MYOM1: variants seen among roughly 807,000 people sequenced by gnomAD.
MYOM1 encodes the protein myomesin 1.
A neutral mutation model predicts 205.3 loss-of-function variants in MYOM1; 164 were observed. The observed-to-expected ratio is 0.80, with a 90% CI of 0.70 to 0.91. MYOM1 has a LOEUF of 0.91. Among genes scored for constraint, MYOM1 ranks in the 40% least tolerant of loss-of-function variants. The probability of loss-of-function intolerance (pLI) is 0.00; values close to 1 mark genes in which losing one functional copy is unlikely to be tolerated. For missense variants in MYOM1, 2,011 were observed against 2,127.3 expected, an observed-to-expected ratio of 0.95 and a Z score of 1.08; for synonymous variants, 772 against 789.4, an observed-to-expected ratio of 0.98 and a Z score of 0.37.
At chr18:3,214,594 C>T (rs565563755) in intron 2 of MYOM1, among the ~76,000 whole-genome samples, 5 of 152,084 alleles carry the variant, frequency 3.3e-5, no homozygotes, top group Non-Finnish European at 7.4e-5. Flanking sequence ...GAGGCCCAGG[C>T]GGGTGGAACA....
At chr18:3,170,548 TCTAA>T (rs1399937686) in intron 8 of MYOM1, among the ~76,000 whole-genome samples, 1 of 152,200 alleles carries the variant, frequency 6.6e-6, no homozygotes, top group Non-Finnish European at 1.5e-5. Flanking sequence ...TTTAAAATAT[TCTAA>T]CTTTTAAAAA....
chr18:3,130,884 A>G (rs945655050), intron 17 of MYOM1, among the ~76,000 whole-genome samples: 1 of 152,238 alleles, frequency 6.6e-6, no homozygotes, highest in Non-Finnish European at 1.5e-5. Flanking sequence ...TTACTTTGCA[A>G]GCAAAGATGA....
chr18:3,184,995 T>A (rs2080790690), intron 5 of MYOM1, among the ~76,000 whole-genome samples: 1 of 152,260 alleles, frequency 6.6e-6, no homozygotes, highest in Non-Finnish European at 1.5e-5. Flanking sequence ...CTTAGCTCTG[T>A]TAGTGAGGAT....
At chr18:3,231,828 C>T in the MYOM1 span, among the ~76,000 whole-genome samples, 1 of 147,930 alleles carries the variant, frequency 6.8e-6, no homozygotes, top group Non-Finnish European at 1.5e-5. Flanking sequence ...AGGCATGAGC[C>T]ACTGCGCCCA....
At position 3,117,294 on chromosome 18, in the gene MYOM1, T is replaced by C. The variant is rs7236167; in HGVS notation, c.3119-779A>G. Among the ~76,000 whole-genome samples the C allele has an allele frequency of 8.4e-3, 1,281 of 152,348 alleles. 16 individuals are homozygous for C. The highest frequency in any genetic ancestry group is 0.028 in the African/African-American group (1,172 of 41,594). On this transcript the variant is annotated intron_variant, in intron 20 of 37. Coordinates refer to ENST00000356443, the MANE Select transcript of MYOM1 (RefSeq NM_003803.4). ...TCAAAGGAAAAAGCATCACTCCCAA[T>C]TGGAGGAAAATCTTCCCCGTAAAGA...
intron 5 of MYOM1, among the ~76,000 whole-genome samples, chr18:3,183,886 G>A (rs547412307): frequency 2.5e-4 from 38 of 151,696 alleles, no homozygotes; most frequent in African/African-American, 9.2e-4. Flanking sequence ...TAGCACTCCA[G>A]TGAATCATTT....
At chr18:3,214,534 C>G (rs1180606168) in intron 2 of MYOM1, among the ~76,000 whole-genome samples, 2 of 152,178 alleles carry the variant, frequency 1.3e-5, no homozygotes, top group African/African-American at 4.8e-5. Context: ...TAAGAAGTAA[C>G]TGGGAGAGGC....
intron 14 of MYOM1, among the ~76,000 whole-genome samples, chr18:3,136,103 T>C (rs527759006): frequency 5.8e-5 from 8 of 137,476 alleles, no homozygotes; most frequent in East Asian, 4.9e-4. Flanking sequence ...AGGAGAAACC[T>C]CTTTCACTTG....
At chr18:3,095,953 T>C (rs910249057) in intron 25 of MYOM1, among the ~76,000 whole-genome samples, 2 of 152,152 alleles carry the variant, frequency 1.3e-5, no homozygotes, top group African/African-American at 4.8e-5. Flanking sequence ...GAGACCTCAT[T>C]CTAGGAAACT....
At chr18:3,229,885 AG>A in the MYOM1 span, among the ~76,000 whole-genome samples, 6 of 148,654 alleles carry the variant, frequency 4.0e-5, no homozygotes, top group Non-Finnish European at 7.4e-5. Flanking sequence ...AGGAGAATGG[AG>A]AATCAGTTGA....
chr18:3,197,958 G>A (rs1392175129), intron 2 of MYOM1, among the ~76,000 whole-genome samples: 3 of 152,156 alleles, frequency 2.0e-5, no homozygotes, highest in African/African-American at 7.2e-5. Context: ...CCAGTTTGCA[G>A]ACCATAAAAC....
Position 3,090,799 on chromosome 18 carries a change from A to G in MYOM1, c.3868T>C (p.Tyr1290His). The change falls in exon 27 of 38, where the codon TAT becomes CAT. Residue 1290 changes from tyrosine to histidine, a missense_variant. Physicochemically the swap from Tyr to His is moderately conservative, Grantham distance 83. Coordinates refer to ENST00000356443, the MANE Select transcript of MYOM1 (RefSeq NM_003803.4). ...GTGTTTCGGTCAATATGCATTTTATATTTCTTCAGTGTGAAAAGAAAATGA... is the reference window on the plus strand; with the variant it reads ...GTGTTTCGGTCAATATGCATTTTATGTTTCTTCAGTGTGAAAAGAAAATGA... Reference protein sequence around the residue: ...NEKEIFEGPKYKMHIDRNTGI... With the variant: ...NEKEIFEGPKHKMHIDRNTGI... 4 of 1,613,812 alleles carry G rather than the reference A, an allele frequency of 2.5e-6. No homozygotes were observed. Among genetic ancestry groups the G allele is most frequent in the Non-Finnish European group, 3.4e-6 (4 of 1,179,810 alleles).
intron 14 of MYOM1, among the ~76,000 whole-genome samples, chr18:3,138,322 CTTTAAG>C (rs67780872): frequency 0.23 from 34,671 of 151,760 alleles, 4,467 homozygotes; most frequent in East Asian, 0.42. Context: ...ATTTTTGGGA[CTTTAAG>C]TTTATCAGTC....
chr18:3,186,016 C>CA (rs1428903868), intron 5 of MYOM1, among the ~76,000 whole-genome samples: 1 of 151,984 alleles, frequency 6.6e-6, no homozygotes, highest in Admixed American at 6.6e-5. Context: ...GCCAACACGG[C>CA]AAAACCCCGT....
intron 11 of MYOM1, among the ~76,000 whole-genome samples, chr18:3,153,467 G>A (rs2080248591): frequency 6.6e-6 from 1 of 152,178 alleles, no homozygotes; most frequent in African/African-American, 2.4e-5. Context: ...TAGCCACAAG[G>A]TGGGTATTTT....
At chr18:3,126,662 A>G (rs762112185) in intron 19 of MYOM1, 39 bp downstream of exon 19, 6 of 1,576,278 alleles carry the variant, frequency 3.8e-6, no homozygotes, top group Non-Finnish European at 5.2e-6. Context: ...ATAGCGTCAT[A>G]CATAGGACAC....
chr18:3,183,411 T>C (rs1185457490), intron 5 of MYOM1, among the ~76,000 whole-genome samples: 1 of 152,140 alleles, frequency 6.6e-6, no homozygotes, highest in Admixed American at 6.5e-5. Context: ...TGGTTAGTAA[T>C]GTGGGATTGG....
chr18:3,111,135 A>C (rs534075374), intron 22 of MYOM1, among the ~76,000 whole-genome samples: 1 of 14,484 alleles, frequency 6.9e-5, no homozygotes, highest in African/African-American at 2.7e-4. Context: ...AATTTGGTAG[A>C]GGTGGGGTTC....
intron 16 of MYOM1, among the ~76,000 whole-genome samples, chr18:3,134,181 A>G (rs2079918170): frequency 6.6e-6 from 1 of 152,086 alleles, no homozygotes; most frequent in Non-Finnish European, 1.5e-5. Context: ...CACCACACCC[A>G]GCCTTGTTCT....
Sources: allele counts gnomAD v4.1 joint callset (sites outside exome capture counted in the v4.1 genomes callset), GRCh38; gene constraint gnomAD v4.1.1; transcripts MANE v1.5; gene names NCBI Gene and HGNC (gene_info 2026-07-23, HGNC 2026-07-21).